Variants in CADM2 observed in about 807,000 individuals in gnomAD.
CADM2 encodes the protein immunoglobulin superfamily member 4D.
A neutral mutation model predicts 49.8 loss-of-function variants in CADM2; 12 were observed. That is an observed-to-expected ratio of 0.24 (90% CI 0.15 to 0.39). The LOEUF is 0.39. Among genes scored for constraint, CADM2 ranks in the 10% least tolerant of loss-of-function variants. CADM2 has a pLI of 1.00. For missense variants in CADM2, 378 were observed against 492.3 expected (o/e 0.77, Z 2.20); for synonymous variants, 214 against 175.4 (o/e 1.22, Z -1.74).
At chr3:85,657,739 TACAG>T (rs1264455972) in intron 1 of CADM2, among the ~76,000 whole-genome samples, 8 of 121,508 alleles carry the variant, frequency 6.6e-5, no homozygotes, top group Non-Finnish European at 1.3e-4. Flanking sequence ...GATATATATA[TACAG>T]ATATATATAT....
chr3:85,919,518 G>A (rs920247223), intron 6 of CADM2, among the ~76,000 whole-genome samples: 8 of 151,746 alleles, frequency 5.3e-5, no homozygotes, highest in Non-Finnish European at 8.9e-5. Flanking sequence ...ACAGAAAAAC[G>A]TTTGGGTCCA....
At chr3:85,837,121 A>C (rs1161624358) in intron 3 of CADM2, among the ~76,000 whole-genome samples, 1 of 151,602 alleles carries the variant, frequency 6.6e-6, no homozygotes, top group Non-Finnish European at 1.5e-5. Flanking sequence ...TGTACAAGTC[A>C]TGTTCATTTT....
Position 84,959,289 on chromosome 3 carries a change from G to A in CADM2, c.-319G>A. 1 of 487,442 alleles carries A rather than the reference G, an allele frequency of 2.1e-6. No homozygotes were observed. The highest frequency in any genetic ancestry group is 3.7e-6 in the Non-Finnish European group (1 of 270,580). 30.2% of individuals were successfully genotyped at this position (487,442 alleles called of 1,614,324 possible). On this transcript the variant is annotated 5_prime_UTR_variant, in exon 1 of 10. Coordinates refer to ENST00000383699, the MANE Select transcript of CADM2 (RefSeq NM_001167675.2). ...CCACCTGCTCGGGCAGCCCCGGCGG[G>A]CTCTGGGACTTGCTGTGCGCGCCGA...
chr3:85,727,265 G>T (rs534734150), intron 2 of CADM2, among the ~76,000 whole-genome samples: 2 of 152,094 alleles, frequency 1.3e-5, no homozygotes, highest in South Asian at 2.1e-4. Flanking sequence ...AATAGCAAAA[G>T]AAATTTTTTT....
chr3:85,815,614 T>C (rs2108152729), intron 3 of CADM2, among the ~76,000 whole-genome samples: 1 of 152,298 alleles, frequency 6.6e-6, no homozygotes, highest in Non-Finnish European at 1.5e-5. Flanking sequence ...TAAGAGCTAT[T>C]TATGACAAAC....
intron 1 of CADM2, among the ~76,000 whole-genome samples, chr3:85,116,931 C>T (rs186046404): frequency 6.3e-4 from 96 of 152,266 alleles, no homozygotes; most frequent in African/African-American, 2.2e-3. Flanking sequence ...GGCGGTGACT[C>T]ACCCATGTAA....
intron 7 of CADM2, 65 bp from the exon 8 acceptor site, chr3:85,961,404 A>G: frequency 7.5e-7 from 1 of 1,330,160 alleles, no homozygotes; most frequent in Non-Finnish European, 1.0e-6. Flanking sequence ...AAATTGATTT[A>G]CTAAATTTAC....
intron 1 of CADM2, among the ~76,000 whole-genome samples, chr3:85,441,581 T>C (rs942993334): frequency 2.6e-5 from 4 of 152,130 alleles, no homozygotes; most frequent in Non-Finnish European, 5.9e-5. Flanking sequence ...CCTCTCTTTA[T>C]TAACATTCTG....
intron 1 of CADM2, among the ~76,000 whole-genome samples, chr3:85,075,308 C>T (rs1360215012): frequency 6.6e-6 from 1 of 151,532 alleles, no homozygotes; most frequent in Non-Finnish European, 1.5e-5. Flanking sequence ...AATGATATAA[C>T]TTGCAACATT....
intron 1 of CADM2, among the ~76,000 whole-genome samples, chr3:85,722,605 A>G (rs898578995): frequency 1.3e-5 from 2 of 152,216 alleles, no homozygotes; most frequent in Non-Finnish European, 2.9e-5. Context: ...TCTAACAAAC[A>G]CTTCTAAAGG....
chr3:85,486,842 G>A (rs1042389083), intron 1 of CADM2, among the ~76,000 whole-genome samples: 3 of 152,144 alleles, frequency 2.0e-5, no homozygotes, highest in Non-Finnish European at 4.4e-5. Flanking sequence ...ATGAATTTAT[G>A]TGGAAAATGT....
chr3:85,207,050 A>ATGTGTGTGTGTGTG (rs3085116), intron 1 of CADM2, among the ~76,000 whole-genome samples: 10 of 144,970 alleles, frequency 6.9e-5, no homozygotes, highest in African/African-American at 2.5e-4. Flanking sequence ...GAAGAAATAA[A>ATGTGTGTGTGTGTG]TGTGTGTGTG....
intron 8 of CADM2, among the ~76,000 whole-genome samples, chr3:86,009,921 C>CAACA (rs1263264577): frequency 1.3e-5 from 2 of 151,720 alleles, no homozygotes; most frequent in African/African-American, 4.8e-5. Context: ...GGGGGTAACA[C>CAACA]AACACAATTT....
intron 8 of CADM2, among the ~76,000 whole-genome samples, chr3:85,977,434 C>A (rs1179255347): frequency 6.6e-6 from 1 of 151,320 alleles, no homozygotes; most frequent in Non-Finnish European, 1.5e-5. Flanking sequence ...AGATATTGGT[C>A]TTTGCAGTTA....
chr3:85,223,818 G>A (rs1035453304), intron 1 of CADM2, among the ~76,000 whole-genome samples: 2 of 151,984 alleles, frequency 1.3e-5, no homozygotes, highest in African/African-American at 2.4e-5. Flanking sequence ...TGTTCTTACT[G>A]TTCAGCTCCC....
At position 85,560,499 on chromosome 3, in the gene CADM2, C is replaced by T. The variant is rs201852176; in HGVS notation, c.62-166023C>T. On this transcript the variant is annotated intron_variant, in intron 1 of 9. Coordinates refer to ENST00000383699, the MANE Select transcript of CADM2 (RefSeq NM_001167675.2). ...TATGACTACTGCCAAATGCAGCCAA[C>T]GCATGGCCATGGGAGTTGGCGCTGC... 1.2e-4 allele frequency among the ~76,000 whole-genome samples: 19 copies of T among 152,220 alleles called. No homozygotes were observed. The East Asian group carries it at 2.7e-3, about 22-fold the overall frequency.
intron 1 of CADM2, among the ~76,000 whole-genome samples, chr3:85,013,503 G>A (rs1285269887): frequency 6.6e-6 from 1 of 151,826 alleles, no homozygotes; most frequent in African/African-American, 2.4e-5. Context: ...GTAAGGGGTT[G>A]TAAGCACTTT....
chr3:85,882,443 G>A (rs750289595), intron 3 of CADM2, among the ~76,000 whole-genome samples: 4 of 152,168 alleles, frequency 2.6e-5, no homozygotes, highest in South Asian at 2.1e-4. Context: ...GGTCTGGATC[G>A]TCTTTTACTG....
chr3:85,301,839 A>C (rs2044109134), intron 1 of CADM2, among the ~76,000 whole-genome samples: 1 of 152,092 alleles, frequency 6.6e-6, no homozygotes, highest in African/African-American at 2.4e-5. Flanking sequence ...CCCATATTAA[A>C]AATGACTCTC....
Sources: gnomAD v4.1 joint callset for allele counts (sites outside exome capture counted in the v4.1 genomes callset) on GRCh38, gnomAD v4.1.1 for gene constraint, MANE v1.5 for transcripts, NCBI Gene and HGNC (gene_info 2026-07-23, HGNC 2026-07-21) for gene names.